ANKS1B: variants seen among roughly 807,000 people sequenced by gnomAD.
The protein encoded by ANKS1B is ankyrin repeat and sterile alpha motif domain-containing protein 1B.
A neutral mutation model predicts 148.3 loss-of-function variants in ANKS1B; 36 were observed. The ratio of observed to expected loss-of-function variants is 0.24; its 90% CI spans 0.19 to 0.32. The LOEUF is 0.32. Ranked by LOEUF, ANKS1B falls within the 10% of genes least tolerant of loss-of-function variation. The probability of loss-of-function intolerance (pLI) is 1.00; values close to 1 mark genes in which losing one functional copy is unlikely to be tolerated. For missense variants in ANKS1B, 1,157 were observed against 1,542.6 expected (o/e 0.75, Z 4.19); for synonymous variants, 542 against 560.8 (o/e 0.97, Z 0.47).
intron 17 of ANKS1B, among the ~76,000 whole-genome samples, chr12:98,944,349 C>T (rs1403443858): frequency 1.3e-5 from 2 of 148,280 alleles, no homozygotes; most frequent in Admixed American, 6.8e-5. Context: ...CCACATGACA[C>T]GCTGGCTCCT....
intron 4 of ANKS1B, among the ~76,000 whole-genome samples, chr12:99,782,663 T>A (rs374451687): frequency 1.4e-4 from 21 of 152,348 alleles, no homozygotes; most frequent in African/African-American, 4.8e-4. Flanking sequence ...AATGCCCACC[T>A]CACAAGGCTT....
At chr12:98,764,627 C>G (rs1178933742) in intron 25 of ANKS1B, among the ~76,000 whole-genome samples, 1 of 152,230 alleles carries the variant, frequency 6.6e-6, no homozygotes, top group African/African-American at 2.4e-5. Context: ...AATGGATATG[C>G]CTGTTTCCTT....
intron 17 of ANKS1B, chr12:98,956,324 C>T (rs2099862077): frequency 6.6e-6 from 1 of 152,312 alleles, no homozygotes; most frequent in Admixed American, 6.5e-5. Context: ...CATTGTCTCT[C>T]ACCTGGATTA....
chr12:99,294,343 A>G (rs942698959), intron 12 of ANKS1B, among the ~76,000 whole-genome samples: 1 of 152,236 alleles, frequency 6.6e-6, no homozygotes, highest in African/African-American at 2.4e-5. Flanking sequence ...CTATTCAGCC[A>G]TAAAAAAGAA....
intron 12 of ANKS1B, among the ~76,000 whole-genome samples, chr12:99,348,346 C>A (rs1378601890): frequency 6.6e-6 from 1 of 151,624 alleles, no homozygotes; most frequent in South Asian, 2.1e-4. Context: ...ATAGTTACCC[C>A]CTACCTGAAC....
intron 14 of ANKS1B, among the ~76,000 whole-genome samples, chr12:99,217,845 C>T (rs1362600367): frequency 3.9e-5 from 6 of 152,092 alleles, no homozygotes; most frequent in African/African-American, 1.4e-4. Flanking sequence ...TGTATTATTC[C>T]CCTTATACAG....
intron 8 of ANKS1B, among the ~76,000 whole-genome samples, chr12:99,692,821 T>C (rs2053319599): frequency 6.6e-6 from 1 of 152,136 alleles, no homozygotes; most frequent in African/African-American, 2.4e-5. Flanking sequence ...GGGAAAAGCA[T>C]GTGTTCTACT....
At chr12:99,570,792 A>C (rs2153222413) in intron 9 of ANKS1B, among the ~76,000 whole-genome samples, 1 of 152,232 alleles carries the variant, frequency 6.6e-6, no homozygotes, top group South Asian at 2.1e-4. Flanking sequence ...AATATACTTT[A>C]TAAAAGTATA....
intron 1 of ANKS1B, among the ~76,000 whole-genome samples, chr12:99,977,058 C>T (rs963581037): frequency 2.0e-5 from 3 of 152,144 alleles, no homozygotes; most frequent in Non-Finnish European, 4.4e-5. Context: ...TCCCATGACA[C>T]CTAACCCACT....
chr12:99,327,615 G>C (rs1017936758), intron 12 of ANKS1B, among the ~76,000 whole-genome samples: 2 of 148,552 alleles, frequency 1.3e-5, no homozygotes, highest in Non-Finnish European at 3.0e-5. Context: ...GTGTGTTAGG[G>C]AGGTATATGT....
chr12:99,638,264 T>C (rs1218018473), intron 9 of ANKS1B, among the ~76,000 whole-genome samples: 1 of 152,068 alleles, frequency 6.6e-6, no homozygotes, highest in African/African-American at 2.4e-5. Flanking sequence ...TGTGGGAAAG[T>C]CTGCAACTTC....
chr12:99,072,282 A>G (rs1249644946), intron 16 of ANKS1B, among the ~76,000 whole-genome samples: 1 of 152,072 alleles, frequency 6.6e-6, no homozygotes, highest in Non-Finnish European at 1.5e-5. Flanking sequence ...TAATTTAGGG[A>G]GAATTTATTG....
intron 12 of ANKS1B, among the ~76,000 whole-genome samples, chr12:99,261,849 G>A (rs953447779): frequency 1.3e-5 from 2 of 152,022 alleles, no homozygotes; most frequent in Non-Finnish European, 2.9e-5. Flanking sequence ...GATCCACTCT[G>A]AGTAAAAGCC....
chr12:99,295,403 TG>T (rs1566831015), intron 12 of ANKS1B, among the ~76,000 whole-genome samples: 1 of 152,196 alleles, frequency 6.6e-6, no homozygotes, highest in Non-Finnish European at 1.5e-5. Context: ...AATTGTCATT[TG>T]TTTCCTTATT....
At chr12:99,264,554 T>C (rs2076250302) in intron 12 of ANKS1B, among the ~76,000 whole-genome samples, 1 of 152,160 alleles carries the variant, frequency 6.6e-6, no homozygotes, top group African/African-American at 2.4e-5. Context: ...CTACTGAATA[T>C]CATTGAGATC....
chr12:98,746,386 A>G (rs994790782), intron 26 of ANKS1B, among the ~76,000 whole-genome samples: 9 of 151,972 alleles, frequency 5.9e-5, no homozygotes, highest in Admixed American at 5.9e-4. Context: ...TGCGCTCATC[A>G]TCTGCTCTGC....
chr12:99,374,595 T>G (rs1431764664), intron 12 of ANKS1B, among the ~76,000 whole-genome samples: 1 of 152,230 alleles, frequency 6.6e-6, no homozygotes, highest in Non-Finnish European at 1.5e-5. Context: ...TATTTCAATG[T>G]TTAATATGGG....
intron 1 of ANKS1B, among the ~76,000 whole-genome samples, chr12:99,950,733 C>T (rs183807395): frequency 6.6e-6 from 1 of 152,034 alleles, no homozygotes. Context: ...CAAAACCACC[C>T]CCCCCAATAA....
intron 11 of ANKS1B, among the ~76,000 whole-genome samples, chr12:99,438,792 G>T (rs929707889): frequency 6.6e-6 from 1 of 151,790 alleles, no homozygotes. Flanking sequence ...CTGTAACATT[G>T]TCTGCTTTCC....
Sources: gnomAD v4.1 joint callset for allele counts (sites outside exome capture counted in the v4.1 genomes callset) on GRCh38, gnomAD v4.1.1 for gene constraint, MANE v1.5 for transcripts, NCBI Gene and HGNC (gene_info 2026-07-23, HGNC 2026-07-21) for gene names.